The following ARFGEF1 variants were observed in gnomAD, a reference collection of about 807,000 sequenced individuals.
ARFGEF1 encodes ARF guanine nucleotide exchange factor 1, also known as brefeldin A-inhibited guanine nucleotide-exchange protein 1.
ARFGEF1 carries 42 observed loss-of-function variants against 231.0 expected under a neutral mutation model. That is an observed-to-expected ratio of 0.18 (90% CI 0.14 to 0.24). The LOEUF is 0.24. ARFGEF1 is among the 10% of genes least tolerant of loss of function. The probability of loss-of-function intolerance (pLI) is 1.00; values close to 1 mark genes in which losing one functional copy is unlikely to be tolerated. For synonymous variants in ARFGEF1, 710 were observed against 732.3 expected (o/e 0.97, Z 0.49); for missense variants, 1,345 against 2,192.0 (o/e 0.61, Z 7.72).
chr8:67,257,870 T>A, intron 16 of ARFGEF1, 54 bp from the exon 17 acceptor site: 1 of 1,438,856 alleles, frequency 6.9e-7, no homozygotes. Flanking sequence ...TATAGTTTCA[T>A]TTAAATAAGT....
chr8:67,269,171 T>G (rs1804967918), intron 10 of ARFGEF1, among the ~76,000 whole-genome samples: 1 of 152,152 alleles, frequency 6.6e-6, no homozygotes, highest in Non-Finnish European at 1.5e-5. Flanking sequence ...TATGTTCTCC[T>G]GAAAAGTTGT....
chr8:67,336,029 G>A (rs1474066087), intron 1 of ARFGEF1, among the ~76,000 whole-genome samples: 2 of 152,150 alleles, frequency 1.3e-5, no homozygotes, highest in East Asian at 1.9e-4. Flanking sequence ...GATTACAGGC[G>A]TGAGCCACCG....
chr8:67,308,796 A>C (rs1329578016), intron 1 of ARFGEF1, among the ~76,000 whole-genome samples: 2 of 152,116 alleles, frequency 1.3e-5, no homozygotes, highest in Non-Finnish European at 2.9e-5. Context: ...GACACATATT[A>C]ATTGTATATA....
chr8:67,271,484 T>C (rs2128896435), intron 10 of ARFGEF1, among the ~76,000 whole-genome samples: 1 of 152,366 alleles, frequency 6.6e-6, no homozygotes, highest in Non-Finnish European at 1.5e-5. Context: ...TTGAGGACAG[T>C]GGCTCCATCT....
Position 67,211,588 on chromosome 8 carries a change from T to C in ARFGEF1, c.4714A>G (p.Ile1572Val), listed in dbSNP as rs748842649. 7 of 1,540,454 alleles carry C rather than the reference T, an allele frequency of 4.5e-6. No homozygotes were observed. In the South Asian group the frequency reaches 8.7e-5, roughly 19 times the overall value. Residue 1572 changes from isoleucine to valine, a missense_variant, in exon 34 of 39, where the codon ATT (isoleucine) becomes GTT (valine). This residue lies in a region of ARFGEF1 where 89 missense variants were observed against 74.8 expected (regional missense o/e 1.19). Transcript: ENST00000262215. ...LDTISQKSVD[I>V]HDSIQPRSVD... ...GACCTTGGTTGAATAGAATCATGAA[T>C]ATCTACAGACTTCTGTGATATTGTA...
chr8:67,204,911 C>T (rs1838456726), intron 34 of ARFGEF1, 92 bp from the exon 35 acceptor site: 3 of 1,460,508 alleles, frequency 2.1e-6, no homozygotes, highest in Non-Finnish European at 2.8e-6. Flanking sequence ...AAGGAAACAT[C>T]AATATGTATT....
chr8:67,299,180 A>G (rs1806369361), intron 4 of ARFGEF1, 29 bp downstream of exon 4: 3 of 1,493,668 alleles, frequency 2.0e-6, no homozygotes, highest in South Asian at 1.3e-5. Context: ...CAGATTATTA[A>G]TAACAATTTT....
chr8:67,305,302 C>A (rs1165636790), intron 1 of ARFGEF1, among the ~76,000 whole-genome samples: 2 of 152,124 alleles, frequency 1.3e-5, no homozygotes, highest in Admixed American at 6.5e-5. Context: ...CATCTGCAAT[C>A]AACTTGATAG....
At chr8:67,193,558 G>T (rs768899319), downstream of ARFGEF1, 1 of 1,613,788 alleles carries the variant, frequency 6.2e-7, no homozygotes, top group South Asian at 1.1e-5. Context: ...AATGAGGAAC[G>T]AATGCGAAGA....
intron 19 of ARFGEF1, among the ~76,000 whole-genome samples, chr8:67,241,966 G>T (rs1176264977): frequency 2.0e-5 from 3 of 152,178 alleles, no homozygotes; most frequent in Admixed American, 2.0e-4. Context: ...TGTCACAGTA[G>T]AAAGCAAAAC....
chr8:67,271,563 G>A (rs1233283808), intron 10 of ARFGEF1, 139 bp downstream of exon 10: 5 of 661,696 alleles, frequency 7.6e-6, no homozygotes, highest in Non-Finnish European at 1.3e-5. Flanking sequence ...AGTTGAACAG[G>A]TGAATGAAAA....
intron 17 of ARFGEF1, among the ~76,000 whole-genome samples, chr8:67,257,323 G>A (rs942038419): frequency 1.3e-5 from 2 of 152,080 alleles, no homozygotes; most frequent in Non-Finnish European, 2.9e-5. Flanking sequence ...CATGTGATCC[G>A]CCTGTCTCGG....
At chr8:67,188,464 T>C (rs1835294437) in intron 5 of ARFGEF1, among the ~76,000 whole-genome samples, 4 of 152,170 alleles carry the variant, frequency 2.6e-5, no homozygotes, top group Non-Finnish European at 5.9e-5. Flanking sequence ...AGTGAAATCA[T>C]ATATCGCCTG....
At chr8:67,284,205 G>A (rs1257682317) in intron 7 of ARFGEF1, among the ~76,000 whole-genome samples, 3 of 152,064 alleles carry the variant, frequency 2.0e-5, no homozygotes, top group African/African-American at 7.2e-5. Flanking sequence ...TAATATGTTA[G>A]GTGAAAAAAT....
chr8:67,246,793 C>T (rs969501398), intron 19 of ARFGEF1, among the ~76,000 whole-genome samples: 2 of 149,906 alleles, frequency 1.3e-5, no homozygotes, highest in Admixed American at 6.7e-5. Context: ...AAATACAAAA[C>T]ATCAACAAAA....
chr8:67,226,614 G>C (rs1336869663), intron 27 of ARFGEF1, among the ~76,000 whole-genome samples: 1 of 152,082 alleles, frequency 6.6e-6, no homozygotes. Context: ...TGATAGCTAT[G>C]ATGATGCCAT....
At chr8:67,261,998 A>G (rs1005194393) in intron 14 of ARFGEF1, among the ~76,000 whole-genome samples, 7 of 152,136 alleles carry the variant, frequency 4.6e-5, no homozygotes, top group Non-Finnish European at 8.8e-5. Context: ...GATACTACTT[A>G]AAAGCTGCCA....
rs777948027 is a variant in ARFGEF1 at position 67,240,249 on chromosome 8, T to C, written c.2892A>G (p.Leu964=). Residue 964 remains leucine, a synonymous_variant, in exon 20 of 39, where the codon CTA becomes CTG. Transcript: ENST00000262215. Reference sequence around the variant, plus strand: ...CTACTTCAGTATCATCACAATCTTGTAGACCCACACTGAATGCAGCCAGAA... The same window carrying C: ...CTACTTCAGTATCATCACAATCTTGCAGACCCACACTGAATGCAGCCAGAA... ...TPFLAAFSVG[L]QDCDDTEVAS... is the part of the protein sequence containing the mutation. The C allele has an allele frequency of 3.7e-6, 6 of 1,612,372 alleles. No homozygotes were observed. In the South Asian group the frequency reaches 6.6e-5, roughly 18 times the overall value.
In ARFGEF1 at chr8:67,238,720, A is replaced by G; in HGVS notation, c.3138+15T>C. 6.2e-7 allele frequency: 1 copy of G among 1,609,742 alleles called. No homozygotes were observed. Among genetic ancestry groups the G allele is most frequent in the Non-Finnish European group, 8.5e-7 (1 of 1,176,912 alleles). ...TATAAACCAAATTGCAAAGTTGAAA[A>G]TAAAGTGCTTATACCTCATGCCATG... On this transcript the variant is annotated intron_variant, in intron 21 of 38. Transcript: ENST00000262215.
Sources: gnomAD v4.1 joint callset for allele counts (sites outside exome capture counted in the v4.1 genomes callset) on GRCh38, gnomAD v4.1.1 for gene constraint, gnomAD v4.1.1 regional missense constraint, MANE v1.5 for transcripts, NCBI Gene and HGNC (gene_info 2026-07-23, HGNC 2026-07-21) for gene names.